The following NCAM1 variants were observed in gnomAD, a reference collection of about 807,000 sequenced individuals.
NCAM1 encodes antigen recognized by monoclonal antibody 5.1H11.
A neutral mutation model predicts 109.8 loss-of-function variants in NCAM1; 14 were observed. The ratio of observed to expected loss-of-function variants is 0.13; its 90% CI spans 0.08 to 0.20. NCAM1 has a LOEUF of 0.20. NCAM1 is among the 10% of genes least tolerant of loss of function. NCAM1 has a pLI of 1.00. For synonymous variants in NCAM1, 418 were observed against 442.9 expected (o/e 0.94, Z 0.70); for missense variants, 774 against 1,109.9 (o/e 0.70, Z 4.30).
At chr11:113,076,960 T>G (rs1565421779) in intron 1 of NCAM1, among the ~76,000 whole-genome samples, 1 of 152,226 alleles carries the variant, frequency 6.6e-6, no homozygotes, top group East Asian at 1.9e-4. Context: ...ATATGACTAC[T>G]CAAGTATCTG....
chr11:113,070,718 G>C (rs1938222833), intron 1 of NCAM1, among the ~76,000 whole-genome samples: 1 of 152,142 alleles, frequency 6.6e-6, no homozygotes, highest in Admixed American at 6.5e-5. Context: ...AGCAGGCCTG[G>C]AAGCTGAGAA....
intron 1 of NCAM1, among the ~76,000 whole-genome samples, chr11:113,187,922 T>C (rs1190586147): frequency 2.6e-5 from 4 of 152,232 alleles, no homozygotes; most frequent in Non-Finnish European, 5.9e-5. Context: ...AAAGGCCAAA[T>C]AGTGTTGCTG....
At chr11:113,122,254 C>T (rs543579991) in intron 1 of NCAM1, among the ~76,000 whole-genome samples, 151 of 152,304 alleles carry the variant, frequency 9.9e-4, no homozygotes, top group Non-Finnish European at 1.8e-3. Context: ...ACTGGTTTAT[C>T]GACTAGTCTG....
intron 1 of NCAM1, among the ~76,000 whole-genome samples, chr11:113,064,870 T>C (rs1440455949): frequency 6.6e-6 from 1 of 152,196 alleles, no homozygotes; most frequent in Non-Finnish European, 1.5e-5. Context: ...TCAAGATGGT[T>C]TCATATAGAA....
intron 17 of NCAM1, chr11:113,263,749 G>A (rs1430683806): frequency 1.0e-6 from 1 of 985,530 alleles, no homozygotes; most frequent in East Asian, 1.1e-4. Flanking sequence ...GTGACCCACA[G>A]AATGGCTTTG....
rs115307271 is a variant in NCAM1 at position 113,230,636 on chromosome 11, G to A, written c.1090-1009G>A. Among the ~76,000 whole-genome samples, 786 of 152,260 alleles carry A rather than the reference G, an allele frequency of 5.2e-3. 8 individuals carry two copies. Among genetic ancestry groups the A allele is most frequent in the African/African-American group, 0.018 (755 of 41,554 alleles). ...TTCTGTCATTCTTTAAAGACCCAAC[G>A]CATGGGATGGCAGATGCCAGGTGCA... On this transcript the variant is annotated intron_variant, in intron 9 of 19. Transcript: ENST00000316851.
intron 1 of NCAM1, among the ~76,000 whole-genome samples, chr11:113,015,026 T>G (rs1464878457): frequency 1.3e-5 from 2 of 152,230 alleles, no homozygotes; most frequent in African/African-American, 4.8e-5. Context: ...TTCATCACCT[T>G]GCAGTCTCCA....
chr11:112,987,633 T>C (rs1555069912), intron 1 of NCAM1, among the ~76,000 whole-genome samples: 1 of 152,178 alleles, frequency 6.6e-6, no homozygotes, highest in Non-Finnish European at 1.5e-5. Context: ...TCTTTATTAT[T>C]ATGTAATGGC....
At chr11:113,006,800 G>T (rs1390451957) in intron 1 of NCAM1, among the ~76,000 whole-genome samples, 1 of 152,192 alleles carries the variant, frequency 6.6e-6, no homozygotes, top group Non-Finnish European at 1.5e-5. Context: ...GATTCCAGCC[G>T]TGGGACAGGT....
intron 1 of NCAM1, among the ~76,000 whole-genome samples, chr11:113,097,230 T>C (rs970550528): frequency 3.3e-5 from 5 of 152,224 alleles, no homozygotes; most frequent in African/African-American, 1.2e-4. Flanking sequence ...GGCCACTTGG[T>C]AAATCTTTCT....
At position 113,233,389 on chromosome 11, in the gene NCAM1, C is replaced by G. The variant is rs868938180; in HGVS notation, c.1693+72C>G. 1.4e-6 allele frequency: 2 copies of G among 1,464,184 alleles called. No homozygotes were observed. The highest frequency in any genetic ancestry group is 1.8e-4 in the Middle Eastern group (1 of 5,446). 90.7% of individuals were successfully genotyped at this position (1,464,184 alleles called of 1,614,324 possible). ...GTACTCAGATGTCCCCACCTGCCAT[C>G]CTGGGCATGTTCCTACAGAATCAGG... On this transcript the variant is annotated intron_variant, in intron 13 of 19. Transcript: ENST00000316851. This position sits in a 1 kb window ranked among gnomAD's most constrained non-coding sequence, Gnocchi z 4.5.
intron 1 of NCAM1, among the ~76,000 whole-genome samples, chr11:113,146,511 A>G (rs1477460414): frequency 1.3e-5 from 2 of 152,340 alleles, no homozygotes; most frequent in East Asian, 3.9e-4. Context: ...CAGATCACAT[A>G]ATGAAGTTAA....
chr11:113,270,067 G>T, intron 17 of NCAM1, 121 bp from the exon 18 acceptor site: 4 of 908,754 alleles, frequency 4.4e-6, no homozygotes, highest in Non-Finnish European at 5.3e-6. Context: ...GTGTCACTCT[G>T]GGCATGAATG....
intron 1 of NCAM1, among the ~76,000 whole-genome samples, chr11:113,030,681 A>G (rs781860621): frequency 9.2e-5 from 14 of 152,216 alleles, no homozygotes; most frequent in Non-Finnish European, 1.5e-4. Flanking sequence ...TTAAGGTATC[A>G]GGAAATCCCT....
chr11:113,174,854 C>T (rs1555106770), intron 1 of NCAM1, among the ~76,000 whole-genome samples: 1 of 152,146 alleles, frequency 6.6e-6, no homozygotes, highest in East Asian at 1.9e-4. Flanking sequence ...CCAGAGGAGA[C>T]TTTTGGGGAG....
intron 1 of NCAM1, among the ~76,000 whole-genome samples, chr11:113,035,910 T>A (rs142047714): frequency 1.3e-5 from 2 of 152,196 alleles, no homozygotes; most frequent in African/African-American, 4.8e-5. Flanking sequence ...GAATAAAACA[T>A]TTAGCACTTA....
At position 113,273,600 on chromosome 11, in the gene NCAM1, A is replaced by T. The variant is rs1555125965; in HGVS notation, c.2457-1667A>T. ...CGAGGACTTTAAAATGGACGAAGGGAACTTCAAGACCCCAGATATTGACCT... is the reference window on the plus strand; with the variant it reads ...CGAGGACTTTAAAATGGACGAAGGGTACTTCAAGACCCCAGATATTGACCT... On this transcript the variant is annotated intron_variant, in intron 19 of 19. Coordinates refer to ENST00000316851, the MANE Select transcript of NCAM1 (RefSeq NM_181351.5). The surrounding 1 kb of genome is among the most constrained non-coding windows in gnomAD (Gnocchi z 6.0). 2.3e-6 allele frequency: 1 copy of T among 444,014 alleles called. No individual in the cohort carries two copies. The highest frequency in any genetic ancestry group is 2.4e-5 in the Admixed American group (1 of 41,190). The allele number at this position is 444,014 out of a possible 1,614,324, so 27.5% of individuals were successfully genotyped here.
intron 1 of NCAM1, among the ~76,000 whole-genome samples, chr11:113,183,103 G>A (rs151303564): frequency 3.3e-5 from 5 of 152,310 alleles, no homozygotes; most frequent in Admixed American, 2.6e-4. Context: ...GACCTTCCTG[G>A]CAAGATACAG....
chr11:112,992,423 G>T (rs1416662280), intron 1 of NCAM1, among the ~76,000 whole-genome samples: 2 of 151,264 alleles, frequency 1.3e-5, no homozygotes, highest in African/African-American at 4.9e-5. Context: ...CATTTACATG[G>T]TTCAAAAATG....
Sources: gnomAD v4.1 joint callset for allele counts (sites outside exome capture counted in the v4.1 genomes callset) on GRCh38, gnomAD v4.1.1 for gene constraint, Gnocchi (gnomAD v3.1) non-coding constraint, MANE v1.5 for transcripts, NCBI Gene and HGNC (gene_info 2026-07-23, HGNC 2026-07-21) for gene names.